Variants in ZNF536 observed in about 807,000 individuals in gnomAD.
The protein encoded by ZNF536 is zinc finger protein 536.
A neutral mutation model predicts 84.5 loss-of-function variants in ZNF536; 13 were observed. The observed-to-expected ratio is 0.15, with a 90% CI of 0.10 to 0.24. The LOEUF is 0.24. ZNF536 is among the 10% of genes least tolerant of loss of function. The probability of loss-of-function intolerance (pLI) is 1.00; values close to 1 mark genes in which losing one functional copy is unlikely to be tolerated. For missense variants in ZNF536, 1,536 were observed against 1,747.5 expected (o/e 0.88, Z 2.16); for synonymous variants, 811 against 742.5 (o/e 1.09, Z -1.50).
chr19:30,465,603 G>T (rs989268978), intron 2 of ZNF536, among the ~76,000 whole-genome samples: 2 of 152,152 alleles, frequency 1.3e-5, no homozygotes, highest in African/African-American at 4.8e-5. Flanking sequence ...TAAAATACAC[G>T]TAACAGGTTG....
chr19:30,277,740 A>T (rs965734894), intron 1 of ZNF536, among the ~76,000 whole-genome samples: 1 of 152,176 alleles, frequency 6.6e-6, no homozygotes, highest in Non-Finnish European at 1.5e-5. Flanking sequence ...CCGTTGTGGG[A>T]CCCTGTGGAG....
chr19:30,533,512 G>A (rs772840933), intron 2 of ZNF536, among the ~76,000 whole-genome samples: 15 of 149,064 alleles, frequency 1.0e-4, no homozygotes, highest in Non-Finnish European at 2.1e-4. Context: ...AAAATGAGAC[G>A]CTGTCTCAAA....
At chr19:30,416,248 T>C (rs1161467611) in intron 1 of ZNF536, among the ~76,000 whole-genome samples, 1 of 152,000 alleles carries the variant, frequency 6.6e-6, no homozygotes, top group African/African-American at 2.4e-5. Context: ...TTTGTGAAGA[T>C]ACTAGTTAGA....
intron 3 of ZNF536, among the ~76,000 whole-genome samples, chr19:30,365,372 C>CCT (rs2048394472): frequency 6.6e-6 from 1 of 152,140 alleles, no homozygotes; most frequent in African/African-American, 2.4e-5. Flanking sequence ...TCTTCCTCCC[C>CCT]CTCTCTCTCC....
At chr19:30,594,405 G>A (rs907927438) in intron 1 of ZNF536, among the ~76,000 whole-genome samples, 1 of 152,110 alleles carries the variant, frequency 6.6e-6, no homozygotes, top group Non-Finnish European at 1.5e-5. Context: ...CAGGCCACAG[G>A]TCCTCCCCTC....
intron 1 of ZNF536, among the ~76,000 whole-genome samples, chr19:30,576,155 A>G (rs1335984692): frequency 3.3e-5 from 5 of 152,180 alleles, no homozygotes; most frequent in African/African-American, 1.2e-4. Flanking sequence ...ACCAGGCAGG[A>G]AGGAAAGCCT....
chr19:30,249,062 G>A (rs73021652), intron 1 of ZNF536, among the ~76,000 whole-genome samples: 2,445 of 152,302 alleles, frequency 0.016, 29 homozygotes, highest in Non-Finnish European at 0.025. Context: ...CTTAAAGGAT[G>A]CCTGTGGAGA....
chr19:30,586,356 G>T (rs6510171), intron 1 of ZNF536, among the ~76,000 whole-genome samples: 118,839 of 152,232 alleles, frequency 0.78, 46,676 homozygotes, highest in African/African-American at 0.83. Context: ...GAGAATGTGC[G>T]GCCACCATGT....
At chr19:30,320,608 C>T (rs1246179508) in intron 2 of ZNF536, among the ~76,000 whole-genome samples, 1 of 152,092 alleles carries the variant, frequency 6.6e-6, no homozygotes, top group African/African-American at 2.4e-5. Flanking sequence ...CCACGCAGCC[C>T]ACGGAGCCCC....
At chr19:30,508,816 CTTTCTTTT>C (rs1346784623) in intron 2 of ZNF536, among the ~76,000 whole-genome samples, 6 of 113,984 alleles carry the variant, frequency 5.3e-5, no homozygotes, top group African/African-American at 2.0e-4. Context: ...TTCTTTCTTT[CTTTCTTTT>C]TTTTTTTTTT....
In ZNF536 at chr19:30,389,856, G is replaced by A. The variant is rs567996500; in HGVS notation, c.-3+17300G>A. 4.3e-4 allele frequency among the ~76,000 whole-genome samples: 65 copies of A among 152,318 alleles called. 1 individual carries two copies. Among genetic ancestry groups the A allele is most frequent in the South Asian group, 2.1e-3 (10 of 4,830 alleles). On this transcript the variant is annotated intron_variant, in intron 1 of 4. Coordinates refer to ENST00000355537, the MANE Select transcript of ZNF536 (RefSeq NM_014717.3). The stretch of plus-strand genomic sequence containing the variant: ...GGGCCACTTGGCTGCTGAGTGTGGC[G>A]CAGTGACATTTTCCAACTTGAGCTG...
At chr19:30,563,229 C>G (rs1009872014) in intron 1 of ZNF536, among the ~76,000 whole-genome samples, 2 of 152,090 alleles carry the variant, frequency 1.3e-5, no homozygotes, top group Non-Finnish European at 2.9e-5. Context: ...TTGTACTCAC[C>G]GCTGGAAGGT....
chr19:30,516,573 C>T (rs951851588), intron 2 of ZNF536, among the ~76,000 whole-genome samples: 3 of 152,194 alleles, frequency 2.0e-5, no homozygotes, highest in Non-Finnish European at 2.9e-5. Flanking sequence ...CCTTTCACCA[C>T]GGAAAGGTCA....
chr19:30,619,957 A>G (rs1339180723), intron 1 of ZNF536, among the ~76,000 whole-genome samples: 1 of 151,902 alleles, frequency 6.6e-6, no homozygotes, highest in Non-Finnish European at 1.5e-5. Flanking sequence ...TTCACGAGCA[A>G]GAGTATTTTG....
Position 30,443,549 on chromosome 19 carries a change from C to T in ZNF536, c.-2-12C>T, listed in dbSNP as rs553428691. On this transcript the variant is annotated splice_polypyrimidine_tract_variant and intron_variant, in intron 1 of 4. Transcript: ENST00000355537. ...CACCTGGCACGGATCTGAACTCTGCCTCTCTTTTCAGGGATGGAAGAAGCG... is the reference window on the plus strand; with the variant it reads ...CACCTGGCACGGATCTGAACTCTGCTTCTCTTTTCAGGGATGGAAGAAGCG... 1 of 1,525,402 alleles carries T rather than the reference C, an allele frequency of 6.6e-7. No individual in the cohort carries two copies. The highest frequency in any genetic ancestry group is 8.8e-7 in the Non-Finnish European group (1 of 1,138,742). The allele number at this position is 1,525,402 out of a possible 1,614,324, so 94.5% of individuals were successfully genotyped here. A position where few individuals can be genotyped will look rare whatever the true frequency, so the allele number is the denominator to read the frequency against.
At position 30,557,194 on chromosome 19, in the gene ZNF536, C is replaced by G. The variant is rs1716507067; in HGVS notation, c.*30C>G. The G allele has an allele frequency of 6.2e-7, 1 of 1,613,322 alleles. No individual in the cohort carries two copies. On this transcript the variant is annotated 3_prime_UTR_variant, in exon 5 of 5. Coordinates refer to ENST00000355537, the MANE Select transcript of ZNF536 (RefSeq NM_014717.3). The stretch of plus-strand genomic sequence containing the variant: ...CCCTGTCCTAGTCGGTCTATCTGGA[C>G]TTGCCCTTGTCTGTTCGTGGTCCTC...
chr19:30,676,864 G>A (rs1193038303), intron 1 of ZNF536, among the ~76,000 whole-genome samples: 1 of 152,074 alleles, frequency 6.6e-6, no homozygotes, highest in African/African-American at 2.4e-5. Context: ...TTGAGACAAG[G>A]GTGGACATTT....
intron 2 of ZNF536, among the ~76,000 whole-genome samples, chr19:30,286,725 A>C (rs1034516545): frequency 2.0e-5 from 3 of 152,256 alleles, no homozygotes; most frequent in Non-Finnish European, 4.4e-5. Context: ...TACAAAATTT[A>C]TATTGAAATA....
chr19:30,453,005 G>T (rs1196803514), intron 2 of ZNF536, among the ~76,000 whole-genome samples: 1 of 150,734 alleles, frequency 6.6e-6, no homozygotes, highest in Non-Finnish European at 1.5e-5. Context: ...GTGGTGGGGG[G>T]ACTCTGATCT....
Sources: allele counts gnomAD v4.1 joint callset (sites outside exome capture counted in the v4.1 genomes callset), GRCh38; gene constraint gnomAD v4.1.1; transcripts MANE v1.5; gene names NCBI Gene and HGNC (gene_info 2026-07-23, HGNC 2026-07-21).